The following C5orf46 variants were observed in gnomAD, a reference collection of about 807,000 sequenced individuals.
The protein encoded by C5orf46 is chromosome 5 open reading frame 46, also known as uncharacterized protein C5orf46.
C5orf46 carries 9 observed loss-of-function variants against 8.9 expected under a neutral mutation model. That is an observed-to-expected ratio of 1.01 (90% CI 0.61 to 1.76). The LOEUF is 1.76. Among genes scored for constraint, C5orf46 ranks in the 40% most tolerant of loss-of-function variants. C5orf46 has a pLI of 0.00. For missense variants in C5orf46, 98 were observed against 107.8 expected (o/e 0.91, Z 0.40); for synonymous variants, 47 against 41.4 (o/e 1.14, Z -0.52).
chr5:147,888,332 A>G (rs1377843178), downstream of C5orf46, among the ~76,000 whole-genome samples: 1 of 152,186 alleles, frequency 6.6e-6, no homozygotes, highest in East Asian at 1.9e-4. Context: ...TTAAAATGCA[A>G]CAATGATCAT....
At chr5:147,892,996 C>T (rs1336266770) in intron 3 of C5orf46, 57 bp from the exon 4 acceptor site, 3 of 152,296 alleles carry the variant, frequency 2.0e-5, no homozygotes, top group Non-Finnish European at 2.9e-5. Context: ...TGGTTTAAGA[C>T]GTTAAATAAA....
At chr5:147,890,487 T>C (rs561317207), downstream of C5orf46, among the ~76,000 whole-genome samples, 3 of 152,160 alleles carry the variant, frequency 2.0e-5, no homozygotes, top group East Asian at 1.9e-4. Context: ...AGTTTTAACA[T>C]TGTGTTAAAA....
At chr5:147,886,460 TCATATA>T (rs1265766307) in intron 2 of C5orf46, 1 of 145,900 alleles carries the variant, frequency 6.9e-6, no homozygotes, top group African/African-American at 2.5e-5. Flanking sequence ...CATATAATTA[TCATATA>T]ATCATATGGA....
downstream of C5orf46, among the ~76,000 whole-genome samples, chr5:147,891,916 C>T (rs528209052): frequency 6.4e-4 from 97 of 152,022 alleles, no homozygotes; most frequent in Non-Finnish European, 9.9e-4. Flanking sequence ...GTGCTGCATG[C>T]ACACCTCTTC....
intron 1 of C5orf46, among the ~76,000 whole-genome samples, 183 bp downstream of exon 1, chr5:147,906,249 G>T (rs1262129541): frequency 6.6e-6 from 1 of 152,136 alleles, no homozygotes; most frequent in Non-Finnish European, 1.5e-5. Context: ...ATAGAGGCTA[G>T]GTTTTTATTA....
intron 2 of C5orf46, among the ~76,000 whole-genome samples, chr5:147,898,400 A>G (rs1431521884): frequency 1.3e-5 from 2 of 152,086 alleles, no homozygotes; most frequent in Non-Finnish European, 2.9e-5. Flanking sequence ...TTCTGGGTGG[A>G]TGATGATGTG....
At chr5:147,895,576 T>G (rs891712744) in intron 3 of C5orf46, among the ~76,000 whole-genome samples, 1 of 152,174 alleles carries the variant, frequency 6.6e-6, no homozygotes, top group Non-Finnish European at 1.5e-5. Context: ...CTATGTCTTC[T>G]GTTCTTTCTG....
intron 1 of C5orf46, among the ~76,000 whole-genome samples, chr5:147,903,252 A>C (rs964162753): frequency 6.6e-6 from 1 of 152,260 alleles, no homozygotes; most frequent in Admixed American, 6.5e-5. Flanking sequence ...GACTGGGTAC[A>C]TAAAAATACA....
intron 1 of C5orf46, among the ~76,000 whole-genome samples, chr5:147,903,570 A>G (rs1188780855): frequency 6.6e-6 from 1 of 152,146 alleles, no homozygotes; most frequent in Admixed American, 6.5e-5. Context: ...AATGGAAACT[A>G]TTAGTAAAAA....
intron 2 of C5orf46, chr5:147,901,374 C>T: frequency 3.7e-6 from 1 of 270,934 alleles, no homozygotes; most frequent in Non-Finnish European, 6.6e-6. Flanking sequence ...CTATTTGCTC[C>T]TGAGATTAAA....
chr5:147,891,655 A>G (rs1757504469), downstream of C5orf46, among the ~76,000 whole-genome samples: 1 of 152,232 alleles, frequency 6.6e-6, no homozygotes, highest in Middle Eastern at 3.2e-3. Flanking sequence ...GGCACAAATC[A>G]GTGAGTCAAC....
intron 2 of C5orf46, among the ~76,000 whole-genome samples, chr5:147,897,661 T>C (rs1332152202): frequency 6.6e-6 from 1 of 152,206 alleles, no homozygotes; most frequent in Non-Finnish European, 1.5e-5. Flanking sequence ...AATGTGGGGA[T>C]AAAAGTTGTT....
chr5:147,897,816 G>A (rs1757606977), intron 2 of C5orf46, among the ~76,000 whole-genome samples: 2 of 152,172 alleles, frequency 1.3e-5, no homozygotes, highest in African/African-American at 4.8e-5. Context: ...ACAGAGTGGG[G>A]TTTTGGCTTT....
downstream of C5orf46, among the ~76,000 whole-genome samples, chr5:147,890,643 A>G (rs1018652072): frequency 6.6e-6 from 1 of 152,156 alleles, no homozygotes; most frequent in African/African-American, 2.4e-5. Context: ...AGACCTTAAG[A>G]AATGAAGGAG....
At chr5:147,901,133 G>T (rs900518783) in intron 2 of C5orf46, among the ~76,000 whole-genome samples, 3 of 152,024 alleles carry the variant, frequency 2.0e-5, no homozygotes, top group African/African-American at 7.2e-5. Flanking sequence ...ATATAGGCAG[G>T]ACTCCTCACA....
intron 2 of C5orf46, among the ~76,000 whole-genome samples, chr5:147,897,744 G>A (rs1031704099): frequency 6.6e-6 from 1 of 152,170 alleles, no homozygotes. Flanking sequence ...AAGTGTCTAT[G>A]ACTTTTTTAC....
intron 2 of C5orf46, among the ~76,000 whole-genome samples, chr5:147,898,399 G>A (rs1169183185): frequency 6.6e-6 from 1 of 152,086 alleles, no homozygotes; most frequent in Non-Finnish European, 1.5e-5. Context: ...ATTCTGGGTG[G>A]ATGATGATGT....
chr5:147,900,280 A>G (rs17774502), intron 2 of C5orf46, among the ~76,000 whole-genome samples: 5,665 of 152,260 alleles, frequency 0.037, 135 homozygotes, highest in East Asian at 0.075. Context: ...GTGAGTTTTA[A>G]CAATTTGTGG....
rs1757752276 is a variant in C5orf46 at position 147,906,428 on chromosome 5, T to C, written c.70+4A>G. ...ATTCATGGGCTGTGATCAGAAGCACTTACCTGCATAGCAGGTCAGGAATAA... is the reference window on the plus strand; with the variant it reads ...ATTCATGGGCTGTGATCAGAAGCACCTACCTGCATAGCAGGTCAGGAATAA... On this transcript the variant is annotated splice_donor_region_variant and intron_variant, in intron 1 of 3. Transcript: ENST00000318315. 6 of 1,603,716 alleles carry C rather than the reference T, an allele frequency of 3.7e-6. No individual in the cohort carries two copies. The highest frequency in any genetic ancestry group is 4.3e-6 in the Non-Finnish European group (5 of 1,172,486).
Sources: gnomAD v4.1 joint callset for allele counts (sites outside exome capture counted in the v4.1 genomes callset) on GRCh38, gnomAD v4.1.1 for gene constraint, MANE v1.5 for transcripts, NCBI Gene and HGNC (gene_info 2026-07-23, HGNC 2026-07-21) for gene names.